The following PCDHA6 variants were observed in gnomAD, a reference collection of about 807,000 sequenced individuals.
The protein encoded by PCDHA6 is protocadherin alpha-6.
In PCDHA6, 55 loss-of-function variants were observed where a neutral mutation model predicts 60.3. The observed-to-expected ratio is 0.91, with a 90% confidence interval of 0.73 to 1.14. The LOEUF (loss-of-function observed/expected upper bound fraction) is 1.14. Ranked by LOEUF, PCDHA6 falls within the 50% of genes most tolerant of loss-of-function variation. The pLI, the probability that PCDHA6 is intolerant of heterozygous loss-of-function variation, is 0.00. For synonymous variants in PCDHA6, 652 were observed against 557.9 expected, an observed-to-expected ratio of 1.17 and a Z score of -2.38; for missense variants, 1,327 against 1,256.5, an observed-to-expected ratio of 1.06 and a Z score of -0.85.
At chr5:140,898,818 A>G (rs2066994592) in intron 1 of PCDHA6, among the ~76,000 whole-genome samples, 1 of 152,216 alleles carries the variant, frequency 6.6e-6, no homozygotes, top group Admixed American at 6.5e-5. Flanking sequence ...CTTCCTACCC[A>G]TGAGCATGGA....
intron 1 of PCDHA6, chr5:140,882,378 A>G: frequency 6.2e-7 from 1 of 1,614,186 alleles, no homozygotes; most frequent in Non-Finnish European, 8.5e-7. Flanking sequence ...TCCGTCCCCG[A>G]GGAAGCAAAA....
intron 3 of PCDHA6, among the ~76,000 whole-genome samples, chr5:140,984,079 G>A (rs1554245959): frequency 2.0e-5 from 3 of 152,244 alleles, no homozygotes; most frequent in Admixed American, 2.0e-4. Context: ...CAACGATGGA[G>A]TGAAGAAATG....
intron 1 of PCDHA6, chr5:140,930,288 T>A (rs2086713135): frequency 6.6e-6 from 1 of 152,212 alleles, no homozygotes; most frequent in African/African-American, 2.4e-5. Context: ...CAAATACACT[T>A]AACAAATAAG....
At chr5:140,911,021 G>A (rs1340465729) in intron 1 of PCDHA6, among the ~76,000 whole-genome samples, 2 of 152,066 alleles carry the variant, frequency 1.3e-5, no homozygotes, top group African/African-American at 4.8e-5. Context: ...CTTTAGTCTA[G>A]TTATAGGTCT....
At chr5:140,912,897 G>T (rs782442093) in intron 1 of PCDHA6, among the ~76,000 whole-genome samples, 1 of 152,290 alleles carries the variant, frequency 6.6e-6, no homozygotes, top group East Asian at 1.9e-4. Context: ...TTGATATGAT[G>T]TATCATATTG....
intron 1 of PCDHA6, chr5:140,847,657 A>C (rs1362536934): frequency 3.3e-5 from 5 of 149,954 alleles, no homozygotes; most frequent in South Asian, 2.1e-4. Context: ...TTATTCATAG[A>C]TTATAAAGCT....
intron 1 of PCDHA6, among the ~76,000 whole-genome samples, chr5:140,932,852 T>C (rs2088679496): frequency 1.3e-5 from 2 of 151,996 alleles, no homozygotes; most frequent in Non-Finnish European, 2.9e-5. Flanking sequence ...ATAATGTTAA[T>C]GACTTATTGT....
intron 3 of PCDHA6, among the ~76,000 whole-genome samples, chr5:141,007,112 G>A (rs1554261059): frequency 6.6e-6 from 1 of 152,170 alleles, no homozygotes; most frequent in African/African-American, 2.4e-5. Flanking sequence ...ACCCAAGGAA[G>A]CTTCAACACA....
intron 1 of PCDHA6, among the ~76,000 whole-genome samples, chr5:140,950,519 A>G (rs1359001168): frequency 6.6e-6 from 1 of 152,034 alleles, no homozygotes; most frequent in Non-Finnish European, 1.5e-5. Flanking sequence ...TGTGTGCGAT[A>G]TGATTGTTTT....
intron 1 of PCDHA6, among the ~76,000 whole-genome samples, chr5:140,872,376 C>T (rs1270470575): frequency 1.3e-5 from 2 of 152,128 alleles, no homozygotes; most frequent in Non-Finnish European, 2.9e-5. Flanking sequence ...CCTGTAATCC[C>T]AGCTATTTGG....
At chr5:140,926,707 C>A in intron 1 of PCDHA6, 5 of 886,092 alleles carry the variant, frequency 5.6e-6, no homozygotes, top group Non-Finnish European at 7.9e-6. Context: ...TCCCAGCTGG[C>A]CAGCCCCGGC....
At chr5:140,944,166 G>A (rs1483002893) in intron 1 of PCDHA6, among the ~76,000 whole-genome samples, 1 of 152,024 alleles carries the variant, frequency 6.6e-6, no homozygotes, top group Non-Finnish European at 1.5e-5. Context: ...AAAGGGCCAA[G>A]GCTGGTTTTT....
chr5:140,858,650 T>G, intron 1 of PCDHA6: 2 of 822,762 alleles, frequency 2.4e-6, no homozygotes, highest in South Asian at 3.9e-5. Context: ...GGTACTTAAA[T>G]TTTTTTAAAT....
Position 140,836,196 on chromosome 5 carries a change from G to C in PCDHA6, c.2394+5711G>C. The C allele has an allele frequency of 6.2e-6, 10 of 1,613,832 alleles. 1 individual carries two copies. The highest frequency in any genetic ancestry group is 8.5e-6 in the Non-Finnish European group (10 of 1,179,816). On this transcript the variant is annotated intron_variant, in intron 1 of 3. Transcript: ENST00000529310. ...AGTTGACGCTGACTCAGGCTACAAC[G>C]CGTGGCTTTCGTATGAGTTGCAACC...
At position 140,858,391 on chromosome 5, in the gene PCDHA6, T is replaced by G. The variant is rs1214576702; in HGVS notation, c.2394+27906T>G. ...GCCTTCCACCATGCCCAATGGTAGA[T>G]GTGGACGGGGAAGATCAGTCTATTG... On this transcript the variant is annotated intron_variant, in intron 1 of 3. Transcript: ENST00000529310. 2.5e-6 allele frequency: 4 copies of G among 1,577,710 alleles called. 1 individual carries two copies. The highest frequency in any genetic ancestry group is 3.5e-6 in the Non-Finnish European group (4 of 1,154,364).
intron 1 of PCDHA6, among the ~76,000 whole-genome samples, chr5:140,885,740 GTTACT>G (rs1554182262): frequency 2.6e-5 from 4 of 152,016 alleles, no homozygotes; most frequent in African/African-American, 9.7e-5. Context: ...ATATTTCACT[GTTACT>G]TTAATTTTAA....
intron 3 of PCDHA6, among the ~76,000 whole-genome samples, chr5:141,003,132 C>G (rs1391034413): frequency 6.6e-6 from 1 of 152,208 alleles, no homozygotes; most frequent in African/African-American, 2.4e-5. Flanking sequence ...CTGGCATTTG[C>G]CTTGGCAAAG....
At chr5:140,863,357 G>GCCAAGCACCGCAGC in intron 1 of PCDHA6, 1 of 1,259,532 alleles carries the variant, frequency 7.9e-7, no homozygotes, top group Non-Finnish European at 1.1e-6. Flanking sequence ...ACGACGCTGC[G>GCCAAGCACCGCAGC]GTGCTTGGCG....
At chr5:140,944,053 A>G (rs246065) in intron 1 of PCDHA6, among the ~76,000 whole-genome samples, 85,768 of 152,016 alleles carry the variant, frequency 0.56, 24,809 homozygotes, top group African/African-American at 0.69. Context: ...TTGGGATACA[A>G]AAAGGTTTCT....
Sources: gnomAD v4.1 joint callset for allele counts (sites outside exome capture counted in the v4.1 genomes callset) on GRCh38, gnomAD v4.1.1 for gene constraint, MANE v1.5 for transcripts, NCBI Gene and HGNC (gene_info 2026-07-23, HGNC 2026-07-21) for gene names.